JAK2: variants seen among roughly 807,000 people sequenced by gnomAD.
The protein encoded by JAK2 is tyrosine-protein kinase JAK2.
A neutral mutation model predicts 139.3 loss-of-function variants in JAK2; 86 were observed. The observed-to-expected ratio is 0.62, with a 90% confidence interval of 0.52 to 0.74. The LOEUF is 0.74. JAK2 is among the 30% of genes least tolerant of loss of function. The probability of loss-of-function intolerance (pLI) is 0.00; values close to 1 mark genes in which losing one functional copy is unlikely to be tolerated. For synonymous variants in JAK2, 490 were observed against 437.7 expected (o/e 1.12, Z -1.49); for missense variants, 1,421 against 1,360.3 (o/e 1.04, Z -0.70).
intron 8 of JAK2, among the ~76,000 whole-genome samples, chr9:5,059,897 C>A (rs1485428918): frequency 6.6e-6 from 1 of 151,952 alleles, no homozygotes; most frequent in African/African-American, 2.4e-5. Flanking sequence ...TTGACTTGTC[C>A]CTTTCTGATC....
chr9:5,039,141 T>G (rs1328933926), intron 4 of JAK2, among the ~76,000 whole-genome samples: 1 of 152,098 alleles, frequency 6.6e-6, no homozygotes, highest in Non-Finnish European at 1.5e-5. Context: ...AACACTATAC[T>G]GTAGATTCAG....
intron 3 of JAK2, 77 bp downstream of exon 3, chr9:5,022,290 C>A: frequency 2.3e-6 from 2 of 878,772 alleles, no homozygotes; most frequent in Non-Finnish European, 3.5e-6. Context: ...TAGGTACATG[C>A]ATAATATATA....
chr9:5,022,143 A>G lies in JAK2; in HGVS notation c.156A>G (p.Ala52=), dbSNP rs1822472342. ...YLYHSLGKSE[A]DYLTFPSGEY... ...ACCATTCCCTTGGGAAATCTGAGGC[A>G]GATTATCTGACCTTTCCATCTGGGG... Residue 52 remains alanine, a synonymous_variant, in exon 3 of 25, where the codon GCA becomes GCG. Coordinates refer to ENST00000381652, the MANE Select transcript of JAK2 (RefSeq NM_004972.4). 6 of 1,614,228 alleles carry G rather than the reference A, an allele frequency of 3.7e-6. No individual in the cohort carries two copies. Among genetic ancestry groups the G allele is most frequent in the South Asian group, 1.1e-5 (1 of 91,088 alleles).
chr9:5,067,315 T>A (rs778670445), intron 10 of JAK2, among the ~76,000 whole-genome samples: 2 of 152,148 alleles, frequency 1.3e-5, no homozygotes, highest in Non-Finnish European at 2.9e-5. Context: ...AAAACTGCAA[T>A]GAAACCCCAC....
Position 5,090,641 on chromosome 9 carries a change from G to A in JAK2, c.2886+71G>A, listed in dbSNP as rs10974955. ...GAAGTAGACATTAGGAAATCATCTAGACGTTTTCATAGATAATAAAGGGAA... is the reference window on the plus strand; with the variant it reads ...GAAGTAGACATTAGGAAATCATCTAAACGTTTTCATAGATAATAAAGGGAA... On this transcript the variant is annotated intron_variant, in intron 21 of 24. Transcript: ENST00000381652. 0.23 allele frequency: 350,518 copies of A among 1,517,634 alleles called. 41,750 individuals are homozygous for A. Among genetic ancestry groups the A allele is most frequent in the African/African-American group, 0.37 (26,511 of 71,442 alleles). 94.0% of individuals were successfully genotyped at this position (1,517,634 alleles called of 1,614,324 possible).
At chr9:5,086,137 G>A in intron 19 of JAK2, 1 of 372,964 alleles carries the variant, frequency 2.7e-6, no homozygotes, top group South Asian at 3.4e-5. Flanking sequence ...CGGCCCCGGC[G>A]GCCCCGCAAG....
At chr9:5,084,077 T>A (rs2130633872) in intron 19 of JAK2, among the ~76,000 whole-genome samples, 1 of 152,278 alleles carries the variant, frequency 6.6e-6, no homozygotes, top group East Asian at 1.9e-4. Context: ...ATTTTTAGTG[T>A]TTTCCATAGT....
chr9:5,024,509 G>A (rs981882500), intron 3 of JAK2, among the ~76,000 whole-genome samples: 1 of 152,022 alleles, frequency 6.6e-6, no homozygotes, highest in Admixed American at 6.6e-5. Flanking sequence ...AGAACAGCTT[G>A]AGGTGAAAGC....
At chr9:5,098,607 T>C (rs910669110) in intron 22 of JAK2, 1 of 152,172 alleles carries the variant, frequency 6.6e-6, no homozygotes, top group Non-Finnish European at 1.5e-5. Context: ...CAGATGAAGT[T>C]AATAATCCTT....
rs1292550677 is a variant in JAK2, at chr9:5,069,162, C to G, written c.1467C>G (p.Asp489Glu). ...NCYQMETVRS[D>E]NIIFQFTKCC... The stretch of plus-strand genomic sequence containing the variant: ...ACCAGATGGAAACTGTTCGCTCAGA[C>G]AATATAATTTTCCAGTTTACTAAAT... The change falls in exon 11 of 25, where the codon GAC becomes GAG. Residue 489 changes from aspartate (D) to glutamate (E), a missense_variant. Coordinates refer to ENST00000381652, the MANE Select transcript of JAK2 (RefSeq NM_004972.4). 8.1e-6 allele frequency: 13 copies of G among 1,611,072 alleles called. No individual in the cohort carries two copies. The highest frequency in any genetic ancestry group is 1.3e-5 in the African/African-American group (1 of 74,850).
intron 12 of JAK2, among the ~76,000 whole-genome samples, chr9:5,071,293 C>G (rs1818935186): frequency 6.6e-6 from 1 of 152,012 alleles, no homozygotes; most frequent in South Asian, 2.1e-4. Flanking sequence ...TAGAAACATA[C>G]AAGGAAATAA....
intron 4 of JAK2, among the ~76,000 whole-genome samples, chr9:5,039,116 T>G (rs1025610939): frequency 6.6e-6 from 1 of 152,104 alleles, no homozygotes; most frequent in Admixed American, 6.5e-5. Flanking sequence ...ATAGCTACTT[T>G]TACCACTTTG....
intron 4 of JAK2, chr9:5,041,178 A>G: frequency 2.3e-6 from 3 of 1,283,672 alleles, no homozygotes; most frequent in South Asian, 1.2e-5. Flanking sequence ...CACACCAAGA[A>G]CCTCATTTAC....
rs900629570 is a variant in JAK2 at position 4,985,378 on chromosome 9, C to A, written c.-361C>A. 6.6e-6 allele frequency: 1 copy of A among 152,394 alleles called. No individual in the cohort carries two copies. The highest frequency in any genetic ancestry group is 1.5e-5 in the Non-Finnish European group (1 of 68,154). 9.4% of individuals were successfully genotyped at this position (152,394 alleles called of 1,614,324 possible). A position where few individuals can be genotyped will look rare whatever the true frequency, so the allele number is the denominator to read the frequency against. On this transcript the variant is annotated 5_prime_UTR_variant, in exon 1 of 25. Coordinates refer to ENST00000381652, the MANE Select transcript of JAK2 (RefSeq NM_004972.4). Reference sequence around the variant, plus strand: ...CGCGTCGCCACTTCGGCTTCTCGGCCGGTCGGGCCCCTCGGCCCGGGCTTG... The same window carrying A: ...CGCGTCGCCACTTCGGCTTCTCGGCAGGTCGGGCCCCTCGGCCCGGGCTTG...
intron 8 of JAK2, among the ~76,000 whole-genome samples, chr9:5,057,871 G>A (rs1446461926): frequency 6.6e-6 from 1 of 152,022 alleles, no homozygotes; most frequent in Non-Finnish European, 1.5e-5. Flanking sequence ...GTGAGCCACT[G>A]TGCCCAGCCC....
At chr9:5,048,636 G>A (rs1034572825) in intron 5 of JAK2, among the ~76,000 whole-genome samples, 1 of 151,990 alleles carries the variant, frequency 6.6e-6, no homozygotes, top group African/African-American at 2.4e-5. Context: ...CCTTTGTTTT[G>A]GGTGATACTG....
intron 4 of JAK2, chr9:5,041,506 C>A: frequency 1.8e-6 from 1 of 570,628 alleles, no homozygotes; most frequent in Non-Finnish European, 3.4e-6. Flanking sequence ...ATCGGGGACA[C>A]ATAGCGCGCC....
At chr9:5,090,196 C>T (rs910201661) in intron 20 of JAK2, among the ~76,000 whole-genome samples, 1 of 152,110 alleles carries the variant, frequency 6.6e-6, no homozygotes, top group African/African-American at 2.4e-5. Flanking sequence ...GTTTTCTCAT[C>T]AGTTTATTTT....
chr9:5,090,758 C>T lies in JAK2; in HGVS notation c.2906C>T (p.Thr969Ile). 6.2e-7 allele frequency: 1 copy of T among 1,603,484 alleles called. No individual in the cohort carries two copies. The highest frequency in any genetic ancestry group is 8.5e-7 in the Non-Finnish European group (1 of 1,177,140). ...QICKGMEYLGTKRYIHRDLAT... is the reference protein window; with the variant it reads ...QICKGMEYLGIKRYIHRDLAT... ...CCATAGGGTATGGAGTATCTTGGTACAAAAAGGTATATCCACAGGGATCTG... is the reference window on the plus strand; with the variant it reads ...CCATAGGGTATGGAGTATCTTGGTATAAAAAGGTATATCCACAGGGATCTG... Residue 969 changes from threonine to isoleucine, a missense_variant, in exon 22 of 25, where the codon ACA becomes ATA. Physicochemically the swap from Thr to Ile is moderately conservative, Grantham distance 89. Coordinates refer to ENST00000381652, the MANE Select transcript of JAK2 (RefSeq NM_004972.4).
Sources: allele counts gnomAD v4.1 joint callset (sites outside exome capture counted in the v4.1 genomes callset), GRCh38; gene constraint gnomAD v4.1.1; transcripts MANE v1.5; gene names NCBI Gene and HGNC (gene_info 2026-07-23, HGNC 2026-07-21).